The following ZMYM4 variants were observed in gnomAD, a reference collection of about 807,000 sequenced individuals.
The protein encoded by ZMYM4 is zinc finger MYM-type containing 4, also known as zinc finger MYM-type protein 4.
Under a neutral mutation model 183.2 loss-of-function variants are expected in ZMYM4, and 31 were observed. The observed-to-expected ratio is 0.17, with a 90% CI of 0.13 to 0.23. The LOEUF (loss-of-function observed/expected upper bound fraction) is 0.23, where lower values mean the gene tolerates loss of function less well. Among genes scored for constraint, ZMYM4 ranks in the 10% least tolerant of loss-of-function variants. The pLI is 1.00. For synonymous variants in ZMYM4, 592 were observed against 631.2 expected (o/e 0.94, Z 0.93); for missense variants, 1,273 against 1,840.3 (o/e 0.69, Z 5.64).
chr1:35,367,348 C>T (rs1644109971), intron 5 of ZMYM4, among the ~76,000 whole-genome samples: 1 of 151,926 alleles, frequency 6.6e-6, no homozygotes, highest in Non-Finnish European at 1.5e-5. Flanking sequence ...CCTGCCTCAG[C>T]CTCCTGAGTA....
intron 11 of ZMYM4, 138 bp from the exon 12 acceptor site, chr1:35,386,865 C>T: frequency 1.2e-6 from 1 of 863,998 alleles, no homozygotes; most frequent in African/African-American, 1.7e-5. Flanking sequence ...CCGTAATAAG[C>T]TGCTCAGAGG....
At position 35,405,182 on chromosome 1, in the gene ZMYM4, C is replaced by A. The variant is rs1171941937; in HGVS notation, c.3688C>A (p.Leu1230Ile). ...WKNAKEEQGD[L>I]KCGGVEQASS... is the part of the protein sequence containing the mutation. ...AAATGCCAAGGAAGAGCAGGGGGAT[C>A]TAAAATGTGGAGGTAAGTGCACAGC... is the stretch of plus-strand genomic sequence containing the variant. Residue 1230 changes from leucine to isoleucine, a missense_variant, in exon 24 of 30, where the codon CTA becomes ATA. By Grantham distance (5) the Leu-to-Ile change is conservative. This residue lies in a region of ZMYM4 where 133 missense variants were observed against 155.7 expected (regional missense o/e 0.85). Transcript: ENST00000314607. 1 of 1,613,768 alleles carries A rather than the reference C, an allele frequency of 6.2e-7. No individual in the cohort carries two copies. Among genetic ancestry groups the A allele is most frequent in the South Asian group, 1.1e-5 (1 of 91,040 alleles).
At chr1:35,300,687 C>T (rs1251952192) in intron 1 of ZMYM4, among the ~76,000 whole-genome samples, 1 of 152,090 alleles carries the variant, frequency 6.6e-6, no homozygotes. Context: ...TAGTTCCATT[C>T]TGTGTAATTT....
chr1:35,397,443 G>C lies in ZMYM4; in HGVS notation c.3097G>C (p.Asp1033His). ...AGATAAAGTCACAGAGAGTATTGAA[G>C]ACATTAAAGAAAAGCTTCCCACACA... is the stretch of plus-strand genomic sequence containing the variant. ...SEDKVTESIEDIKEKLPTHPF... is the reference protein window; with the variant it reads ...SEDKVTESIEHIKEKLPTHPF... Residue 1033 changes from aspartate (D) to histidine (H), a missense_variant, in exon 20 of 30, where the codon GAC becomes CAC. Coordinates refer to ENST00000314607, the MANE Select transcript of ZMYM4 (RefSeq NM_005095.3). The C allele has an allele frequency of 1.9e-6, 3 of 1,613,378 alleles. No homozygotes were observed. The highest frequency in any genetic ancestry group is 2.5e-6 in the Non-Finnish European group (3 of 1,179,680).
intron 23 of ZMYM4, among the ~76,000 whole-genome samples, chr1:35,401,824 G>C (rs1000666599): frequency 2.4e-4 from 36 of 152,156 alleles, no homozygotes; most frequent in African/African-American, 7.9e-4. Context: ...TTTGAATATG[G>C]ACATCCAGTT....
At chr1:35,387,724 C>A in intron 13 of ZMYM4, 120 bp downstream of exon 13, 2 of 1,036,782 alleles carry the variant, frequency 1.9e-6, no homozygotes, top group Non-Finnish European at 2.7e-6. Context: ...AACGTAAATG[C>A]CTTTTCGATT....
Position 35,414,083 on chromosome 1 carries a change from G to T in ZMYM4, c.4060G>T (p.Gly1354Cys). The T allele has an allele frequency of 6.7e-7, 1 of 1,492,818 alleles. No homozygotes were observed. The highest frequency in any genetic ancestry group is 9.1e-7 in the Non-Finnish European group (1 of 1,095,868). 92.5% of individuals were successfully genotyped at this position (1,492,818 alleles called of 1,614,324 possible). ...KIWEPTILPN[G>C]YMFSRIEEEH... ...ATGGGAACCTACAATACTTCCTAAT[G>T]GTAGGGTGATTTTTTTTTTATTGTT... The change falls in exon 27 of 30, where the codon GGT becomes TGT. Residue 1354 changes from glycine to cysteine, a missense_variant and splice_region_variant. By Grantham distance (159) the Gly-to-Cys change is radical (BLOSUM62 -3). Coordinates refer to ENST00000314607, the MANE Select transcript of ZMYM4 (RefSeq NM_005095.3).
At chr1:35,374,126 G>A (rs796203688) in intron 7 of ZMYM4, among the ~76,000 whole-genome samples, 3 of 149,914 alleles carry the variant, frequency 2.0e-5, no homozygotes, top group African/African-American at 7.4e-5. Context: ...CCACCTCCGG[G>A]GTTCAAGTGA....
chr1:35,381,629 C>T lies in ZMYM4; in HGVS notation c.1440C>T (p.Asn480=). 2 of 1,614,238 alleles carry T rather than the reference C, an allele frequency of 1.2e-6. No homozygotes were observed. Among genetic ancestry groups the T allele is most frequent in the Non-Finnish European group, 1.7e-6 (2 of 1,180,048 alleles). The change falls in exon 9 of 30, where the codon AAC becomes AAT. Residue 480 remains asparagine (N), a synonymous_variant. Coordinates refer to ENST00000314607, the MANE Select transcript of ZMYM4 (RefSeq NM_005095.3). ...TCTCTAAGTTTCGTTCTGCTAACAA[C>T]CTCACCATGAACTGTTGTGAGAACT... ...ACFSKFRSAN[N]LTMNCCENCG...
At chr1:35,312,248 A>T (rs1641837361) in intron 1 of ZMYM4, among the ~76,000 whole-genome samples, 1 of 151,922 alleles carries the variant, frequency 6.6e-6, no homozygotes, top group Admixed American at 6.6e-5. Flanking sequence ...GAATCTGCAG[A>T]TATCTATCTG....
chr1:35,411,408 G>A (rs1639891947), intron 26 of ZMYM4, among the ~76,000 whole-genome samples: 2 of 152,004 alleles, frequency 1.3e-5, no homozygotes, highest in Non-Finnish European at 2.9e-5. Context: ...GCCTGCCTCG[G>A]CCTCCCAAAG....
At chr1:35,397,094 A>T (rs1644822363) in intron 19 of ZMYM4, 1 of 1,058,856 alleles carries the variant, frequency 9.4e-7, no homozygotes, top group Admixed American at 5.3e-5. Flanking sequence ...AAATTGTGAG[A>T]AATACAAGCA....
At chr1:35,283,392 C>T (rs112726569) in intron 1 of ZMYM4, among the ~76,000 whole-genome samples, 27 of 122,860 alleles carry the variant, frequency 2.2e-4, no homozygotes, top group Non-Finnish European at 3.8e-4. Context: ...GGCTGGAGTG[C>T]AGTGGCGCAA....
At chr1:35,292,304 G>A (rs1301212752) in intron 1 of ZMYM4, 1 of 152,132 alleles carries the variant, frequency 6.6e-6, no homozygotes, top group Non-Finnish European at 1.5e-5. Context: ...TTTCTGACCT[G>A]AGCCAGTTCA....
intron 21 of ZMYM4, 117 bp from the exon 22 acceptor site, chr1:35,398,747 T>C: frequency 9.7e-7 from 1 of 1,026,030 alleles, no homozygotes; most frequent in Admixed American, 2.4e-5. Flanking sequence ...TGTACCTAGG[T>C]AATTGTCCAT....
chr1:35,287,931 C>T, intron 1 of ZMYM4, among the ~76,000 whole-genome samples: 1 of 152,138 alleles, frequency 6.6e-6, no homozygotes, highest in Non-Finnish European at 1.5e-5. Flanking sequence ...TAGAGACAGT[C>T]TTGCTATGTT....
At chr1:35,346,204 C>T (rs1643384952) in intron 2 of ZMYM4, among the ~76,000 whole-genome samples, 1 of 152,148 alleles carries the variant, frequency 6.6e-6, no homozygotes, top group Admixed American at 6.6e-5. Flanking sequence ...GTTTCTTCTA[C>T]CTTTTAGCTA....
chr1:35,308,918 C>T (rs1044353866), intron 1 of ZMYM4: 1 of 974,198 alleles, frequency 1.0e-6, no homozygotes, highest in Non-Finnish European at 1.2e-6. Context: ...AAGATTCATG[C>T]AAAACAATAA....
Position 35,358,805 on chromosome 1 carries a change from CTATGG to C in ZMYM4, c.86-117_86-113del. On this transcript the variant is annotated intron_variant, in intron 2 of 29. Coordinates refer to ENST00000314607, the MANE Select transcript of ZMYM4 (RefSeq NM_005095.3). ...CCTATATCAAAGTGTTAAATGAATA[CTATGG>C]TAATATCTGTATTTTGTTTGAAAAA... The C allele has an allele frequency of 3.7e-6, 3 of 806,592 alleles. No individual in the cohort carries two copies. In the South Asian group the frequency reaches 5.6e-5, roughly 15 times the overall value. 50.0% of individuals were successfully genotyped at this position (806,592 alleles called of 1,614,324 possible).
Sources: allele counts gnomAD v4.1 joint callset (sites outside exome capture counted in the v4.1 genomes callset), GRCh38; gene constraint gnomAD v4.1.1; regional missense constraint gnomAD v4.1.1; transcripts MANE v1.5; gene names NCBI Gene and HGNC (gene_info 2026-07-23, HGNC 2026-07-21).